Variants in SAR1B observed in about 807,000 individuals in gnomAD.
The protein encoded by SAR1B is secretion associated Ras related GTPase 1B, also known as small COPII coat GTPase SAR1B.
SAR1B carries 23 observed loss-of-function variants against 26.8 expected under a neutral mutation model. The ratio of observed to expected loss-of-function variants is 0.86; its 90% CI spans 0.62 to 1.22. The LOEUF (loss-of-function observed/expected upper bound fraction) is 1.22. Among genes scored for constraint, SAR1B ranks in the 50% most tolerant of loss-of-function variants. The pLI is 0.00. For synonymous variants in SAR1B, 65 were observed against 80.8 expected (o/e 0.80, Z 1.05); for missense variants, 196 against 232.8 (o/e 0.84, Z 1.03).
intron 1 of SAR1B, among the ~76,000 whole-genome samples, chr5:134,629,529 T>A (rs1765561969): frequency 6.6e-6 from 1 of 151,968 alleles, no homozygotes; most frequent in African/African-American, 2.4e-5. Context: ...AAACACCTTC[T>A]CTACTAAAAA....
chr5:134,629,885 C>CAAAAAAAAA (rs769758227), intron 1 of SAR1B, among the ~76,000 whole-genome samples: 1 of 72,016 alleles, frequency 1.4e-5, no homozygotes. Context: ...CATTCTGTCT[C>CAAAAAAAAA]AAAAAAAAAA....
rs1466161235 is a variant in SAR1B at position 134,604,450 on chromosome 5, C to T, written c.*2500G>A. ...TTCTTGCCATCCTCTTAATTTGGTT[C>T]TCTTGAAAAAGAGCAGTACCCAGTG... On this transcript the variant is annotated 3_prime_UTR_variant, in exon 7 of 7. Transcript: ENST00000402673. 2 of 152,202 alleles carry T rather than the reference C, an allele frequency of 1.3e-5. No individual in the cohort carries two copies. The highest frequency in any genetic ancestry group is 3.8e-4 in the East Asian group (2 of 5,202). The allele number at this position is 152,202 out of a possible 1,614,324, so 9.4% of individuals were successfully genotyped here.
Position 134,609,669 on chromosome 5 carries a change from T to C in SAR1B, c.250A>G (p.Arg84Gly). 1 of 1,613,874 alleles carries C rather than the reference T, an allele frequency of 6.2e-7. No individual in the cohort carries two copies. Among genetic ancestry groups the C allele is most frequent in the Non-Finnish European group, 8.5e-7 (1 of 1,179,768 alleles). Residue 84 changes from arginine (R) to glycine (G), a missense_variant, in exon 5 of 7, where the codon AGA (arginine) becomes GGA (glycine). Transcript: ENST00000402673. ...GCAGGAAGGTAGTTTTTCCACACTC[T>C]TCGAGCTAACAAAAACAATCAGGGG... ...FDLGGHVQARRVWKNYLPAIN... is the reference protein window; with the variant it reads ...FDLGGHVQARGVWKNYLPAIN...
At chr5:134,609,078 C>G (rs1225542362) in intron 5 of SAR1B, 1 of 456,652 alleles carries the variant, frequency 2.2e-6, no homozygotes, top group Non-Finnish European at 4.4e-6. Flanking sequence ...TCTGTGGCCC[C>G]AGATCTGGTG....
chr5:134,628,302 A>T lies in SAR1B; in HGVS notation c.-18-4265T>A, dbSNP rs184068364. 3.9e-3 allele frequency among the ~76,000 whole-genome samples: 592 copies of T among 151,940 alleles called. 1 individual carries two copies. The highest frequency in any genetic ancestry group is 0.037 in the Middle Eastern group (11 of 294). On this transcript the variant is annotated intron_variant, in intron 1 of 6. Transcript: ENST00000402673. ...CAAAAAAATAAAATAAAAATAAAAA[A>T]TACACATTAGTTCTCAGGGGTCCTG...
intron 1 of SAR1B, chr5:134,625,670 A>C (rs1765482608): frequency 6.6e-6 from 1 of 152,212 alleles, no homozygotes; most frequent in African/African-American, 2.4e-5. Flanking sequence ...GTGGTGGCAA[A>C]CTCCAAGGCC....
intron 5 of SAR1B, among the ~76,000 whole-genome samples, 157 bp downstream of exon 5, chr5:134,609,414 G>A (rs955130898): frequency 6.6e-6 from 1 of 152,172 alleles, no homozygotes; most frequent in African/African-American, 2.4e-5. Flanking sequence ...TGCATTCTAA[G>A]TAATCACTAC....
At position 134,604,911 on chromosome 5, in the gene SAR1B, T is replaced by G. The variant is rs929550264; in HGVS notation, c.*2039A>C. The G allele has an allele frequency of 1.3e-5, 2 of 152,242 alleles. No individual in the cohort carries two copies. Among genetic ancestry groups the G allele is most frequent in the Non-Finnish European group, 2.9e-5 (2 of 68,040 alleles). The allele number at this position is 152,242 out of a possible 1,614,324, so 9.4% of individuals were successfully genotyped here. A position where few individuals can be genotyped will look rare whatever the true frequency, so the allele number is the denominator to read the frequency against. ...ATTTTTAATAAGGCTTAGTTCTATTTAGTCAGAACTTAAGGAGTACTTTAA... is the reference window on the plus strand; with the variant it reads ...ATTTTTAATAAGGCTTAGTTCTATTGAGTCAGAACTTAAGGAGTACTTTAA... On this transcript the variant is annotated 3_prime_UTR_variant, in exon 7 of 7. Coordinates refer to ENST00000402673, the MANE Select transcript of SAR1B (RefSeq NM_016103.4).
intron 1 of SAR1B, among the ~76,000 whole-genome samples, chr5:134,624,623 G>T (rs1464135435): frequency 7.5e-6 from 1 of 133,732 alleles, no homozygotes; most frequent in Non-Finnish European, 1.6e-5. Flanking sequence ...TAAGGGAAGT[G>T]AGTTTTTTTT....
chr5:134,609,651 G>C lies in SAR1B; in HGVS notation c.268C>G (p.Leu90Val). The change falls in exon 5 of 7, where the codon CTT (leucine) becomes GTT (valine). Residue 90 changes from leucine to valine, a missense_variant. Leu to Val is a conservative substitution (Grantham distance 32). Coordinates refer to ENST00000402673, the MANE Select transcript of SAR1B (RefSeq NM_016103.4). The part of the protein sequence containing the change: ...VQARRVWKNY[L>V]PAINGIVFLV... ...AATACAATGCCATTGATAGCAGGAA[G>C]GTAGTTTTTCCACACTCTTCGAGCT... 4 of 1,614,080 alleles carry C rather than the reference G, an allele frequency of 2.5e-6. No individual in the cohort carries two copies. Among genetic ancestry groups the C allele is most frequent in the Non-Finnish European group, 3.4e-6 (4 of 1,179,984 alleles).
rs373135041 is a variant in SAR1B, at chr5:134,609,662, C to T, written c.257G>A (p.Trp86Ter). 3.1e-6 allele frequency: 5 copies of T among 1,613,822 alleles called. No homozygotes were observed. Among genetic ancestry groups the T allele is most frequent in the African/African-American group, 2.7e-5 (2 of 74,906 alleles). ...ATTGATAGCAGGAAGGTAGTTTTTCCACACTCTTCGAGCTAACAAAAACAA... is the reference window on the plus strand; with the variant it reads ...ATTGATAGCAGGAAGGTAGTTTTTCTACACTCTTCGAGCTAACAAAAACAA... Reference protein sequence around the residue: ...LGGHVQARRVWKNYLPAINGI... With the variant: ...LGGHVQARRV The change falls in exon 5 of 7, where the codon TGG becomes TAG. Residue 86 changes from tryptophan (W) to a stop codon, truncating the protein, a stop_gained. Transcript: ENST00000402673. LOFTEE classifies it high-confidence loss of function.
intron 1 of SAR1B, among the ~76,000 whole-genome samples, chr5:134,628,660 A>T (rs978494298): frequency 3.4e-5 from 5 of 147,374 alleles, no homozygotes; most frequent in South Asian, 2.2e-4. Flanking sequence ...TAAAAAAAAA[A>T]TTTTTTTTTT....
intron 3 of SAR1B, among the ~76,000 whole-genome samples, chr5:134,615,441 G>T (rs1035593212): frequency 6.6e-6 from 1 of 151,926 alleles, no homozygotes; most frequent in African/African-American, 2.4e-5. Flanking sequence ...CTTGAACCCA[G>T]GAGGCGGAGG....
intron 1 of SAR1B, among the ~76,000 whole-genome samples, chr5:134,626,431 G>A (rs1426477564): frequency 6.7e-6 from 1 of 148,206 alleles, no homozygotes; most frequent in African/African-American, 2.5e-5. Context: ...GCCCAACTAA[G>A]AATAAAAGTT....
chr5:134,623,023 T>C (rs1765437411), intron 2 of SAR1B, among the ~76,000 whole-genome samples: 1 of 150,178 alleles, frequency 6.7e-6, no homozygotes, highest in Non-Finnish European at 1.5e-5. Context: ...CTCGGGAGGC[T>C]GAGGCAGGAG....
Position 134,605,452 on chromosome 5 carries a change from C to G in SAR1B, c.*1498G>C, listed in dbSNP as rs2150048479. ...AATGCTTTTGAAAAACTAAAATTTT[C>G]TTAGTAAGCCTAGCAATGAGGCTTG... On this transcript the variant is annotated 3_prime_UTR_variant, in exon 7 of 7. Transcript: ENST00000402673. 1 of 152,020 alleles carries G rather than the reference C, an allele frequency of 6.6e-6. No homozygotes were observed. Among genetic ancestry groups the G allele is most frequent in the South Asian group, 2.1e-4 (1 of 4,812 alleles). The allele number at this position is 152,020 out of a possible 1,614,324, so 9.4% of individuals were successfully genotyped here. A position where few individuals can be genotyped will look rare whatever the true frequency, so the allele number is the denominator to read the frequency against.
At position 134,605,621 on chromosome 5, in the gene SAR1B, A is replaced by G. The variant is rs1765112855; in HGVS notation, c.*1329T>C. The G allele has an allele frequency of 2.1e-5, 3 of 144,464 alleles. No homozygotes were observed. Among genetic ancestry groups the G allele is most frequent in the Admixed American group, 7.1e-5 (1 of 14,054 alleles). The allele number at this position is 144,464 out of a possible 1,614,324, so 8.9% of individuals were successfully genotyped here. A position where few individuals can be genotyped will look rare whatever the true frequency, so the allele number is the denominator to read the frequency against. On this transcript the variant is annotated 3_prime_UTR_variant, in exon 7 of 7. Coordinates refer to ENST00000402673, the MANE Select transcript of SAR1B (RefSeq NM_016103.4). The stretch of plus-strand genomic sequence containing the variant: ...GGAGTTTGAGACCAGCCTGGACAAC[A>G]TGGTGAAACCCCGTCTCTAAAACAA...
chr5:134,605,056 G>A lies in SAR1B; in HGVS notation c.*1894C>T, dbSNP rs1317301380. 1 of 152,210 alleles carries A rather than the reference G, an allele frequency of 6.6e-6. No individual in the cohort carries two copies. The highest frequency in any genetic ancestry group is 1.5e-5 in the Non-Finnish European group (1 of 68,032). The allele number at this position is 152,210 out of a possible 1,614,324, so 9.4% of individuals were successfully genotyped here. On this transcript the variant is annotated 3_prime_UTR_variant, in exon 7 of 7. Transcript: ENST00000402673. ...GTTTTCATTTAGAAAGAAGATGAAA[G>A]TGAAAACAGAATAGTCAGATTACTG...
intron 4 of SAR1B, among the ~76,000 whole-genome samples, chr5:134,611,069 G>A (rs1191266554): frequency 1.3e-5 from 2 of 151,916 alleles, no homozygotes; most frequent in East Asian, 3.9e-4. Flanking sequence ...TTGCTATGTT[G>A]CAAGGCTGGT....
Sources: allele counts gnomAD v4.1 joint callset (sites outside exome capture counted in the v4.1 genomes callset), GRCh38; gene constraint gnomAD v4.1.1; transcripts MANE v1.5; gene names NCBI Gene and HGNC (gene_info 2026-07-23, HGNC 2026-07-21).